The following CNTNAP2 variants were observed in gnomAD, a reference collection of about 807,000 sequenced individuals.
The protein encoded by CNTNAP2 is contactin-associated protein-like 2.
CNTNAP2 carries 98 observed loss-of-function variants against 155.2 expected under a neutral mutation model. The ratio of observed to expected loss-of-function variants is 0.63; its 90% confidence interval spans 0.54 to 0.75. The LOEUF (loss-of-function observed/expected upper bound fraction) is 0.75, where lower values mean the gene tolerates loss of function less well. Among genes scored for constraint, CNTNAP2 ranks in the 30% least tolerant of loss-of-function variants. The pLI is 0.00. For synonymous variants in CNTNAP2, 651 were observed against 631.2 expected (o/e 1.03, Z -0.47); for missense variants, 1,727 against 1,688.1 (o/e 1.02, Z -0.40).
chr7:147,022,607 GGT>G (rs1491127173), intron 3 of CNTNAP2, among the ~76,000 whole-genome samples: 24 of 134,486 alleles, frequency 1.8e-4, no homozygotes, highest in Non-Finnish European at 2.6e-4. Flanking sequence ...ACAAACACAT[GGT>G]TTTTTTTTTT....
At chr7:147,288,340 C>A (rs1167549947) in intron 8 of CNTNAP2, among the ~76,000 whole-genome samples, 2 of 152,126 alleles carry the variant, frequency 1.3e-5, no homozygotes, top group African/African-American at 4.8e-5. Context: ...TACTCTTATA[C>A]CCCTGGCACC....
chr7:148,313,860 G>A (rs1797639841), intron 21 of CNTNAP2, among the ~76,000 whole-genome samples: 1 of 152,168 alleles, frequency 6.6e-6, no homozygotes, highest in Non-Finnish European at 1.5e-5. Flanking sequence ...TGCCAAACAA[G>A]CCATGAACTG....
intron 3 of CNTNAP2, among the ~76,000 whole-genome samples, chr7:147,018,961 G>A (rs1375990989): frequency 6.6e-6 from 1 of 152,050 alleles, no homozygotes; most frequent in Non-Finnish European, 1.5e-5. Flanking sequence ...AGCTGCCCAA[G>A]ATGATCTAGA....
intron 1 of CNTNAP2, among the ~76,000 whole-genome samples, chr7:146,314,343 C>T (rs1281130909): frequency 1.3e-5 from 2 of 152,106 alleles, no homozygotes; most frequent in Non-Finnish European, 2.9e-5. Flanking sequence ...TGTGCTATCG[C>T]CTTGAGAGAC....
intron 15 of CNTNAP2, among the ~76,000 whole-genome samples, chr7:148,005,453 T>C (rs1801958832): frequency 6.6e-6 from 1 of 152,124 alleles, no homozygotes; most frequent in Non-Finnish European, 1.5e-5. Context: ...ATGGGCTCTA[T>C]GTGTCACATA....
rs1256832571 is a variant in CNTNAP2 at position 147,303,473 on chromosome 7, TTAAC to T, written c.1498+3187_1498+3190del. 2.6e-5 allele frequency among the ~76,000 whole-genome samples: 4 copies of T among 152,202 alleles called. 1 individual carries two copies. In the South Asian group the frequency reaches 6.2e-4, roughly 24 times the overall value. On this transcript the variant is annotated intron_variant, in intron 9 of 23. Coordinates refer to ENST00000361727, the MANE Select transcript of CNTNAP2 (RefSeq NM_014141.6). ...GAGGAACTGCCTCTGGATCGCAACT[TTAAC>T]TAAAACACAAATGCACACAACTCTA...
At chr7:148,126,281 A>G (rs1804714773) in intron 16 of CNTNAP2, among the ~76,000 whole-genome samples, 1 of 152,184 alleles carries the variant, frequency 6.6e-6, no homozygotes, top group Non-Finnish European at 1.5e-5. Flanking sequence ...ATTAGTTACC[A>G]TTATATCTCC....
At chr7:146,710,660 C>A (rs973189893) in intron 1 of CNTNAP2, among the ~76,000 whole-genome samples, 2 of 151,938 alleles carry the variant, frequency 1.3e-5, no homozygotes, top group Non-Finnish European at 2.9e-5. Context: ...GATTTTTTTC[C>A]TCTGTTCTCC....
intron 12 of CNTNAP2, among the ~76,000 whole-genome samples, chr7:147,578,914 T>C (rs1384865169): frequency 7.2e-5 from 11 of 152,222 alleles, no homozygotes; most frequent in African/African-American, 2.4e-4. Context: ...TCAAAATCAA[T>C]GTTTCTTAGT....
intron 2 of CNTNAP2, among the ~76,000 whole-genome samples, chr7:146,819,790 C>T (rs1458723492): frequency 6.6e-6 from 1 of 152,112 alleles, no homozygotes; most frequent in Non-Finnish European, 1.5e-5. Context: ...TTTCTCAACT[C>T]AGAATGTCTA....
intron 12 of CNTNAP2, among the ~76,000 whole-genome samples, chr7:147,594,181 C>T (rs539462466): frequency 2.3e-5 from 3 of 131,898 alleles, no homozygotes; most frequent in African/African-American, 8.8e-5. Flanking sequence ...GGCTGGAGTA[C>T]AGTGGCCCAG....
intron 1 of CNTNAP2, among the ~76,000 whole-genome samples, chr7:146,550,549 A>G (rs1405816682): frequency 2.6e-5 from 4 of 151,690 alleles, no homozygotes; most frequent in Non-Finnish European, 5.9e-5. Flanking sequence ...ATGTGCACAC[A>G]TGTGTGGTGT....
intron 1 of CNTNAP2, among the ~76,000 whole-genome samples, chr7:146,626,685 C>A (rs1447182572): frequency 6.6e-6 from 1 of 151,986 alleles, no homozygotes; most frequent in Non-Finnish European, 1.5e-5. Flanking sequence ...AGATCAAAGT[C>A]ATAAAAAGTA....
intron 13 of CNTNAP2, among the ~76,000 whole-genome samples, chr7:147,860,026 T>C (rs1584995492): frequency 6.6e-6 from 1 of 152,286 alleles, no homozygotes; most frequent in South Asian, 2.1e-4. Flanking sequence ...GTAATTTCCA[T>C]GTGTCAAGGG....
intron 1 of CNTNAP2, among the ~76,000 whole-genome samples, chr7:146,421,736 A>G (rs1397657146): frequency 6.6e-6 from 1 of 151,972 alleles, no homozygotes. Context: ...AGAAGATATC[A>G]TAGACATATA....
intron 15 of CNTNAP2, among the ~76,000 whole-genome samples, chr7:147,979,598 CT>C (rs958127701): frequency 3.3e-5 from 5 of 152,110 alleles, no homozygotes; most frequent in Admixed American, 6.6e-5. Flanking sequence ...CTTCTGCAAA[CT>C]TTTTTTCTTG....
chr7:147,495,278 G>C (rs1234753730), intron 11 of CNTNAP2, among the ~76,000 whole-genome samples: 1 of 152,136 alleles, frequency 6.6e-6, no homozygotes, highest in African/African-American at 2.4e-5. Context: ...AGAACTAATT[G>C]TTAAATATTC....
chr7:147,717,423 AT>A (rs1312128401), intron 13 of CNTNAP2, among the ~76,000 whole-genome samples: 3 of 152,078 alleles, frequency 2.0e-5, no homozygotes, highest in African/African-American at 7.2e-5. Context: ...ATATTTTCTA[AT>A]TTGACTTTGA....
chr7:146,938,360 A>T (rs774950857), intron 3 of CNTNAP2, among the ~76,000 whole-genome samples: 1 of 142,460 alleles, frequency 7.0e-6, no homozygotes, highest in Non-Finnish European at 1.6e-5. Context: ...GTATATTTAC[A>T]TATATAATAT....
Sources: allele counts gnomAD v4.1 joint callset (sites outside exome capture counted in the v4.1 genomes callset), GRCh38; gene constraint gnomAD v4.1.1; transcripts MANE v1.5; gene names NCBI Gene and HGNC (gene_info 2026-07-23, HGNC 2026-07-21).